The following MCPH1 variants were observed in gnomAD, a reference collection of about 807,000 sequenced individuals.
MCPH1 encodes microcephalin.
A neutral mutation model predicts 84.5 loss-of-function variants in MCPH1; 104 were observed. The ratio of observed to expected loss-of-function variants is 1.23; its 90% CI spans 1.05 to 1.45. The LOEUF (loss-of-function observed/expected upper bound fraction) is 1.45. Among genes scored for constraint, MCPH1 ranks in the 40% most tolerant of loss-of-function variants. The pLI is 0.00. For synonymous variants in MCPH1, 514 were observed against 366.8 expected (o/e 1.40, Z -4.58); for missense variants, 1,498 against 1,005.7 (o/e 1.49, Z -6.62).
chr8:6,467,789 G>A (rs996146627), intron 9 of MCPH1, among the ~76,000 whole-genome samples: 1 of 152,046 alleles, frequency 6.6e-6, no homozygotes, highest in Non-Finnish European at 1.5e-5. Context: ...TTAGAGATGG[G>A]ATTTGGCTGT....
Position 6,466,303 on chromosome 8 carries a change from A to AT in MCPH1, c.1935+11065dup, listed in dbSNP as rs749976037. On this transcript the variant is annotated intron_variant, in intron 9 of 13. Transcript: ENST00000344683. ...AGGCACGTTCCATCACGCCTGGCTA[A>AT]TTTTTTTTTTTTTTGAGATGGAGTC... Among the ~76,000 whole-genome samples the AT allele has an allele frequency of 7.8e-3, 1,082 of 138,436 alleles. 5 individuals are homozygous for AT. The highest frequency in any genetic ancestry group is 0.034 in the East Asian group (161 of 4,740). 90.8% of individuals were successfully genotyped at this position (138,436 alleles called of 152,430 possible). A position where few individuals can be genotyped will look rare whatever the true frequency, so the allele number is the denominator to read the frequency against.
intron 12 of MCPH1, among the ~76,000 whole-genome samples, chr8:6,512,426 T>G (rs1815346027): frequency 6.6e-6 from 1 of 152,204 alleles, no homozygotes; most frequent in Non-Finnish European, 1.5e-5. Flanking sequence ...GTAGGTCAGA[T>G]GATGACTGTT....
At chr8:6,483,764 G>A (rs544059496) in intron 11 of MCPH1, among the ~76,000 whole-genome samples, 1 of 152,150 alleles carries the variant, frequency 6.6e-6, no homozygotes, top group East Asian at 1.9e-4. Flanking sequence ...GGAGGCTGAG[G>A]CACAAGAATC....
intron 12 of MCPH1, among the ~76,000 whole-genome samples, chr8:6,592,072 C>A (rs966549492): frequency 1.3e-5 from 2 of 152,106 alleles, no homozygotes; most frequent in Admixed American, 6.6e-5. Context: ...TTCATGAAAG[C>A]AAATAGAGAA....
intron 11 of MCPH1, among the ~76,000 whole-genome samples, chr8:6,495,647 A>G (rs1811141220): frequency 1.3e-5 from 2 of 152,182 alleles, no homozygotes; most frequent in South Asian, 4.1e-4. Flanking sequence ...GCTTATAATA[A>G]ATAATGTGTT....
chr8:6,442,492 A>C (rs752697553), intron 7 of MCPH1, among the ~76,000 whole-genome samples: 14 of 152,236 alleles, frequency 9.2e-5, no homozygotes, highest in Non-Finnish European at 1.8e-4. Context: ...GTTGTTTCAC[A>C]CAATGTATAA....
chr8:6,516,357 G>T (rs1488621010), intron 12 of MCPH1, among the ~76,000 whole-genome samples: 2 of 152,174 alleles, frequency 1.3e-5, no homozygotes, highest in African/African-American at 2.4e-5. Context: ...AAGGAGAAAA[G>T]ATTTAGCAAA....
chr8:6,582,047 A>C (rs532440078), intron 12 of MCPH1, among the ~76,000 whole-genome samples: 1 of 152,306 alleles, frequency 6.6e-6, no homozygotes, highest in Non-Finnish European at 1.5e-5. Context: ...GGGAGGCGCA[A>C]ACATTCAGAC....
chr8:6,593,976 G>C (rs1405048142), intron 12 of MCPH1, among the ~76,000 whole-genome samples: 1 of 152,224 alleles, frequency 6.6e-6, no homozygotes, highest in African/African-American at 2.4e-5. Context: ...CTGGTGGTGA[G>C]CTCCAGGTGC....
chr8:6,496,602 C>T (rs556420907), intron 11 of MCPH1, among the ~76,000 whole-genome samples: 2 of 146,974 alleles, frequency 1.4e-5, no homozygotes, highest in East Asian at 4.5e-4. Context: ...AGTTGAATTT[C>T]ACAGTATGGT....
At chr8:6,616,956 A>G (rs1830856424) in intron 12 of MCPH1, 1 of 152,074 alleles carries the variant, frequency 6.6e-6, no homozygotes, top group Non-Finnish European at 1.5e-5. Flanking sequence ...CTGCCACCTT[A>G]TCTGCTTGCA....
chr8:6,446,513 C>T, intron 8 of MCPH1: 1 of 984,406 alleles, frequency 1.0e-6, no homozygotes, highest in Non-Finnish European at 1.2e-6. Flanking sequence ...TGTTTTTGGC[C>T]TGCTATTTAT....
chr8:6,606,176 G>A (rs1266025754), intron 12 of MCPH1, among the ~76,000 whole-genome samples: 1 of 152,178 alleles, frequency 6.6e-6, no homozygotes, highest in Non-Finnish European at 1.5e-5. Flanking sequence ...AGAGTACTTT[G>A]TTCATACTTT....
chr8:6,514,000 A>G (rs1336469647), intron 12 of MCPH1, among the ~76,000 whole-genome samples: 1 of 152,148 alleles, frequency 6.6e-6, no homozygotes, highest in Non-Finnish European at 1.5e-5. Context: ...AGGAAAATGG[A>G]TTTTAAATAG....
chr8:6,514,438 C>T (rs1035004423), intron 12 of MCPH1, among the ~76,000 whole-genome samples: 4 of 152,162 alleles, frequency 2.6e-5, no homozygotes. Context: ...ATCCATCTGC[C>T]TCGGCCTCCC....
intron 9 of MCPH1, among the ~76,000 whole-genome samples, chr8:6,458,770 T>C (rs1805967693): frequency 1.3e-5 from 2 of 151,890 alleles, no homozygotes; most frequent in Non-Finnish European, 2.9e-5. Flanking sequence ...CCAGCCTCCT[T>C]AGTAGCTGGA....
intron 12 of MCPH1, among the ~76,000 whole-genome samples, chr8:6,575,976 G>GA (rs1308095531): frequency 6.6e-6 from 1 of 151,020 alleles, no homozygotes; most frequent in Non-Finnish European, 1.5e-5. Context: ...CCAGAACTGC[G>GA]AGAGAGTGGA....
chr8:6,446,736 A>G (rs1804434139), intron 8 of MCPH1: 1 of 985,224 alleles, frequency 1.0e-6, no homozygotes, highest in African/African-American at 1.7e-5. Context: ...TGTATTTTTT[A>G]AGCTTTTGAA....
rs116783523 is a variant in MCPH1 at position 6,533,730 on chromosome 8, A to G, written c.2214+33801A>G. 8.3e-3 allele frequency among the ~76,000 whole-genome samples: 1,264 copies of G among 152,252 alleles called. 20 individuals are homozygous for G. Among genetic ancestry groups the G allele is most frequent in the African/African-American group, 0.029 (1,221 of 41,542 alleles). ...TACATTGAATAATTGAAAGATGATTATAAAACTGGTTCTGGTGCCCTCCTT... is the reference window on the plus strand; with the variant it reads ...TACATTGAATAATTGAAAGATGATTGTAAAACTGGTTCTGGTGCCCTCCTT... On this transcript the variant is annotated intron_variant, in intron 12 of 13. Coordinates refer to ENST00000344683, the MANE Select transcript of MCPH1 (RefSeq NM_024596.5).
Sources: allele counts gnomAD v4.1 joint callset (sites outside exome capture counted in the v4.1 genomes callset), GRCh38; gene constraint gnomAD v4.1.1; transcripts MANE v1.5; gene names NCBI Gene and HGNC (gene_info 2026-07-23, HGNC 2026-07-21).